CA10: variants seen among roughly 807,000 people sequenced by gnomAD.
CA10 encodes carbonic anhydrase 10 (inactive).
Under a neutral mutation model 44.2 loss-of-function variants are expected in CA10, and 14 were observed. That is an observed-to-expected ratio of 0.32 (90% confidence interval 0.21 to 0.50). CA10 has a LOEUF of 0.50. CA10 is among the 20% of genes least tolerant of loss of function. The pLI is 0.99. For synonymous variants in CA10, 159 were observed against 141.6 expected, an observed-to-expected ratio of 1.12 and a Z score of -0.87; for missense variants, 350 against 409.7, an observed-to-expected ratio of 0.85 and a Z score of 1.26.
chr17:51,668,934 G>A (rs948502552), intron 4 of CA10, among the ~76,000 whole-genome samples: 1 of 152,202 alleles, frequency 6.6e-6, no homozygotes, highest in African/African-American at 2.4e-5. Flanking sequence ...TGTGGAGGGG[G>A]CGCCAGGTCC....
intron 1 of CA10, among the ~76,000 whole-genome samples, chr17:52,087,372 C>A (rs544314541): frequency 1.3e-5 from 2 of 152,320 alleles, no homozygotes; most frequent in African/African-American, 4.8e-5. Context: ...AAACTCCTCA[C>A]CTGAGGTGAT....
intron 2 of CA10, among the ~76,000 whole-genome samples, chr17:51,969,455 C>G (rs1264564050): frequency 6.6e-6 from 1 of 152,062 alleles, no homozygotes; most frequent in African/African-American, 2.4e-5. Flanking sequence ...CTACACCACA[C>G]TGATAGTTTT....
At chr17:51,889,140 G>T (rs1172978912) in intron 3 of CA10, among the ~76,000 whole-genome samples, 1 of 152,164 alleles carries the variant, frequency 6.6e-6, no homozygotes, top group Non-Finnish European at 1.5e-5. Context: ...GACCCAGGTG[G>T]AGATTGCAAG....
chr17:51,749,626 A>C (rs963409492), intron 3 of CA10, among the ~76,000 whole-genome samples: 6 of 152,222 alleles, frequency 3.9e-5, no homozygotes, highest in African/African-American at 1.4e-4. Context: ...GCAAAAGGGA[A>C]CTGATAGACA....
At chr17:51,963,507 G>A (rs1297187293) in intron 2 of CA10, among the ~76,000 whole-genome samples, 1 of 152,102 alleles carries the variant, frequency 6.6e-6, no homozygotes, top group Non-Finnish European at 1.5e-5. Flanking sequence ...AATCTCAGAG[G>A]TAGCTAGAGA....
intron 3 of CA10, among the ~76,000 whole-genome samples, chr17:51,867,048 A>G (rs946721531): frequency 2.0e-5 from 3 of 152,098 alleles, no homozygotes; most frequent in African/African-American, 7.2e-5. Flanking sequence ...TGGCAATGAG[A>G]TTGACATATT....
At chr17:51,882,024 A>G (rs1311789263) in intron 3 of CA10, among the ~76,000 whole-genome samples, 1 of 151,904 alleles carries the variant, frequency 6.6e-6, no homozygotes, top group Non-Finnish European at 1.5e-5. Context: ...TGGTTCATCA[A>G]TAGCCCACAG....
At chr17:52,006,261 C>T (rs1236280198) in intron 2 of CA10, among the ~76,000 whole-genome samples, 1 of 151,260 alleles carries the variant, frequency 6.6e-6, no homozygotes, top group Non-Finnish European at 1.5e-5. Flanking sequence ...CCCTTTGTTC[C>T]CAACTAGCTA....
intron 2 of CA10, among the ~76,000 whole-genome samples, chr17:52,019,216 AAAC>A (rs1213647732): frequency 1.3e-5 from 2 of 152,170 alleles, no homozygotes; most frequent in African/African-American, 4.8e-5. Context: ...TTCTTTTTAC[AAAC>A]ACCAAGATTC....
intron 2 of CA10, among the ~76,000 whole-genome samples, chr17:52,061,891 A>C (rs1236645757): frequency 2.0e-5 from 3 of 152,158 alleles, no homozygotes; most frequent in Non-Finnish European, 4.4e-5. Context: ...TAATACAATT[A>C]CTTTAACTAT....
intron 4 of CA10, among the ~76,000 whole-genome samples, chr17:51,703,046 C>T (rs1008139371): frequency 6.6e-6 from 1 of 152,038 alleles, no homozygotes; most frequent in African/African-American, 2.4e-5. Flanking sequence ...TCACTGTGCC[C>T]GTTTAGCAGA....
At chr17:51,639,480 T>G (rs963960453) in intron 6 of CA10, among the ~76,000 whole-genome samples, 5 of 151,978 alleles carry the variant, frequency 3.3e-5, no homozygotes, top group African/African-American at 1.2e-4. Flanking sequence ...GAGTCAAAGG[T>G]TATGCTCAGG....
chr17:52,103,701 G>A (rs146081675), intron 1 of CA10, among the ~76,000 whole-genome samples: 4 of 152,202 alleles, frequency 2.6e-5, no homozygotes, highest in African/African-American at 4.8e-5. Flanking sequence ...GGGAACTACT[G>A]TTGGTGATTC....
intron 1 of CA10, among the ~76,000 whole-genome samples, chr17:52,156,798 A>G (rs907429110): frequency 2.6e-5 from 4 of 152,212 alleles, no homozygotes; most frequent in African/African-American, 9.7e-5. Flanking sequence ...TGGGTGCTTA[A>G]GTGGCAGGTG....
At chr17:51,701,324 C>T (rs979331194) in intron 4 of CA10, among the ~76,000 whole-genome samples, 1 of 152,102 alleles carries the variant, frequency 6.6e-6, no homozygotes, top group Non-Finnish European at 1.5e-5. Context: ...GTTGTTGGAT[C>T]AGGGCCCACC....
Position 51,851,366 on chromosome 17 carries a change from G to C in CA10, c.279+79624C>G, listed in dbSNP as rs116592802. Among the ~76,000 whole-genome samples, 406 of 152,296 alleles carry C rather than the reference G, an allele frequency of 2.7e-3. 1 individual carries two copies. Among genetic ancestry groups the C allele is most frequent in the African/African-American group, 9.1e-3 (376 of 41,544 alleles). On this transcript the variant is annotated intron_variant, in intron 3 of 8. Coordinates refer to ENST00000451037, the MANE Select transcript of CA10 (RefSeq NM_020178.5). ...ACAGAGGAGAAAGAAGGCACAAACAGAGCCAGCCAAACCTGCATTCAAACC... is the reference window on the plus strand; with the variant it reads ...ACAGAGGAGAAAGAAGGCACAAACACAGCCAGCCAAACCTGCATTCAAACC...
At chr17:52,027,584 A>G (rs1393192505) in intron 2 of CA10, among the ~76,000 whole-genome samples, 1 of 152,140 alleles carries the variant, frequency 6.6e-6, no homozygotes, top group East Asian at 1.9e-4. Context: ...TTAAAAATCT[A>G]TATAGTGTAG....
At chr17:51,638,073 A>G (rs1912915040) in intron 6 of CA10, among the ~76,000 whole-genome samples, 1 of 152,200 alleles carries the variant, frequency 6.6e-6, no homozygotes, top group Non-Finnish European at 1.5e-5. Flanking sequence ...CCTCTCCTCC[A>G]TTTCTTCCTC....
intron 2 of CA10, among the ~76,000 whole-genome samples, chr17:51,970,415 A>C (rs1984239633): frequency 6.6e-6 from 1 of 152,096 alleles, no homozygotes; most frequent in Non-Finnish European, 1.5e-5. Flanking sequence ...CACATGAGGA[A>C]TAAAAAGAGA....
Sources: gnomAD v4.1 joint callset for allele counts (sites outside exome capture counted in the v4.1 genomes callset) on GRCh38, gnomAD v4.1.1 for gene constraint, MANE v1.5 for transcripts, NCBI Gene and HGNC (gene_info 2026-07-23, HGNC 2026-07-21) for gene names.